Variants in B3GNT2 observed in about 807,000 individuals in gnomAD.
B3GNT2 encodes the protein N-acetyllactosaminide beta-1,3-N-acetylglucosaminyltransferase 2.
Under a neutral mutation model 27.6 loss-of-function variants are expected in B3GNT2, and 12 were observed. The ratio of observed to expected loss-of-function variants is 0.44; its 90% CI spans 0.28 to 0.71. The LOEUF is 0.71. B3GNT2 is among the 30% of genes least tolerant of loss of function. The pLI, the probability that B3GNT2 is intolerant of heterozygous loss-of-function variation, is 0.17. For synonymous variants in B3GNT2, 192 were observed against 189.7 expected (o/e 1.01, Z -0.10); for missense variants, 413 against 488.5 (o/e 0.85, Z 1.46).
intron 1 of B3GNT2, among the ~76,000 whole-genome samples, chr2:62,212,794 A>C (rs1457507726): frequency 6.6e-6 from 1 of 152,024 alleles, no homozygotes; most frequent in African/African-American, 2.4e-5. Context: ...AGTTTACTCA[A>C]GTGTCATATT....
rs77228693 is a variant in B3GNT2, at chr2:62,205,067, C to G, written c.-10+8712C>G. Among the ~76,000 whole-genome samples, 63 of 152,306 alleles carry G rather than the reference C, an allele frequency of 4.1e-4. 2 individuals carry two copies. In the East Asian group the frequency reaches 0.01, roughly 25 times the overall value. ...GGACGCCCCCAGGGAGAGTGACAGG[C>G]AGACCGGCGAGATTGGAAGCCCGTG... On this transcript the variant is annotated intron_variant, in intron 1 of 1. Coordinates refer to ENST00000301998, the MANE Select transcript of B3GNT2 (RefSeq NM_006577.6).
intron 1 of B3GNT2, among the ~76,000 whole-genome samples, chr2:62,205,032 G>C (rs1674344762): frequency 6.6e-6 from 1 of 152,188 alleles, no homozygotes; most frequent in South Asian, 2.1e-4. Flanking sequence ...GGAGGCTGGG[G>C]GAGAAGATTG....
intron 1 of B3GNT2, among the ~76,000 whole-genome samples, chr2:62,212,190 TC>T (rs1201497813): frequency 2.0e-5 from 3 of 152,188 alleles, no homozygotes; most frequent in African/African-American, 7.2e-5. Flanking sequence ...GGATTTTTCT[TC>T]CTGATTTCAT....
At chr2:62,199,340 C>G (rs1032152510) in intron 1 of B3GNT2, among the ~76,000 whole-genome samples, 2 of 152,210 alleles carry the variant, frequency 1.3e-5, no homozygotes, top group Non-Finnish European at 2.9e-5. Flanking sequence ...TGGGTCAGTG[C>G]TTTTCATTCT....
chr2:62,196,643 G>A (rs1301645097), intron 1 of B3GNT2, among the ~76,000 whole-genome samples: 1 of 152,236 alleles, frequency 6.6e-6, no homozygotes, highest in Non-Finnish European at 1.5e-5. Context: ...CCGCTGCGGG[G>A]CTTTGGAACC....
At chr2:62,214,903 T>A (rs528914342) in intron 1 of B3GNT2, among the ~76,000 whole-genome samples, 26 of 152,280 alleles carry the variant, frequency 1.7e-4, no homozygotes, top group African/African-American at 6.0e-4. Flanking sequence ...AATTGCATAA[T>A]CTTTCCACCT....
At chr2:62,207,374 G>C (rs556130547) in intron 1 of B3GNT2, among the ~76,000 whole-genome samples, 1 of 151,994 alleles carries the variant, frequency 6.6e-6, no homozygotes. Context: ...TTGCAGAGAC[G>C]GGGTTTCATC....
chr2:62,218,152 A>G (rs1485918670), intron 1 of B3GNT2, among the ~76,000 whole-genome samples: 2 of 152,180 alleles, frequency 1.3e-5, no homozygotes, highest in Non-Finnish European at 2.9e-5. Context: ...TGCGATGGGA[A>G]TGTTTAGTCA....
chr2:62,221,520 A>C (rs79542909), intron 1 of B3GNT2, among the ~76,000 whole-genome samples: 1 of 152,158 alleles, frequency 6.6e-6, no homozygotes, highest in Middle Eastern at 3.2e-3. Flanking sequence ...CATTAAAAAA[A>C]AGAGAGAGAG....
In B3GNT2 at chr2:62,222,190, A is replaced by G. The variant is rs372317974; in HGVS notation, c.-9-22A>G. 103 of 1,547,336 alleles carry G rather than the reference A, an allele frequency of 6.7e-5. No homozygotes were observed. The highest frequency in any genetic ancestry group is 7.8e-5 in the Non-Finnish European group (89 of 1,147,464). ...TGCAAATTGATAAGTAATTGATACA[A>G]TACTCCACCCCTTTATTCCAGATAT... On this transcript the variant is annotated intron_variant, in intron 1 of 1. Transcript: ENST00000301998. The surrounding 1 kb of genome is among the most constrained non-coding windows in gnomAD (Gnocchi z 4.2).
At chr2:62,199,645 T>C (rs1041690025) in intron 1 of B3GNT2, among the ~76,000 whole-genome samples, 2 of 152,222 alleles carry the variant, frequency 1.3e-5, no homozygotes, top group Non-Finnish European at 2.9e-5. Flanking sequence ...CTTGGTATTT[T>C]TGGTGTGTAC....
rs142907987 is a variant in B3GNT2 at position 62,222,730 on chromosome 2, C to G, written c.510C>G (p.Asn170Lys). The change falls in exon 2 of 2, where the codon AAC (asparagine) becomes AAG (lysine). Residue 170 changes from asparagine (N) to lysine (K), a missense_variant. Asn to Lys is a moderately conservative substitution (Grantham distance 94). Transcript: ENST00000301998. The surrounding 1 kb of genome is among the most constrained non-coding windows in gnomAD (Gnocchi z 4.2). ...GGGAATCCTGGGGCCAAGAAAGCAA[C>G]GCAGGGAACCAAACGGTGGTGCGAG... ...AIRESWGQES[N>K]AGNQTVVRVF... 1 of 1,614,204 alleles carries G rather than the reference C, an allele frequency of 6.2e-7. No individual in the cohort carries two copies. Among genetic ancestry groups the G allele is most frequent in the Admixed American group, 1.7e-5 (1 of 60,024 alleles).
At chr2:62,213,253 G>A (rs1012065925) in intron 1 of B3GNT2, among the ~76,000 whole-genome samples, 2 of 152,196 alleles carry the variant, frequency 1.3e-5, no homozygotes, top group African/African-American at 4.8e-5. Context: ...GCAGTGATCA[G>A]GCAACTGTAG....
At chr2:62,216,282 G>A (rs1483608098) in intron 1 of B3GNT2, among the ~76,000 whole-genome samples, 2 of 152,166 alleles carry the variant, frequency 1.3e-5, no homozygotes, top group African/African-American at 4.8e-5. Context: ...AACAGCCTGT[G>A]TGGGCTAAGT....
chr2:62,203,361 C>T (rs1562747), intron 1 of B3GNT2, among the ~76,000 whole-genome samples: 100,061 of 151,926 alleles, frequency 0.66, 33,195 homozygotes, highest in Non-Finnish European at 0.7. Context: ...TTTTAGCATA[C>T]GGGATATGGG....
intron 1 of B3GNT2, among the ~76,000 whole-genome samples, chr2:62,214,623 A>G (rs1334633868): frequency 2.6e-5 from 4 of 152,232 alleles, no homozygotes; most frequent in Non-Finnish European, 5.9e-5. Flanking sequence ...GAGGCAGTGA[A>G]GGACGGAACT....
chr2:62,211,787 T>A (rs34418835), intron 1 of B3GNT2, among the ~76,000 whole-genome samples: 32,790 of 151,908 alleles, frequency 0.22, 4,789 homozygotes, highest in African/African-American at 0.41. Context: ...CTGCAGACGC[T>A]CTGTGCCGTA....
chr2:62,220,717 A>C (rs1186752199), intron 1 of B3GNT2, among the ~76,000 whole-genome samples: 3 of 151,822 alleles, frequency 2.0e-5, no homozygotes, highest in Non-Finnish European at 4.4e-5. Flanking sequence ...ATAGTACCTA[A>C]GGATAAATTC....
chr2:62,200,325 G>A (rs1328087633), intron 1 of B3GNT2, among the ~76,000 whole-genome samples: 2 of 152,164 alleles, frequency 1.3e-5, no homozygotes, highest in African/African-American at 4.8e-5. Flanking sequence ...GCTACAGAGG[G>A]GGAAATTCCC....
Sources: allele counts gnomAD v4.1 joint callset (sites outside exome capture counted in the v4.1 genomes callset), GRCh38; gene constraint gnomAD v4.1.1; non-coding constraint Gnocchi (gnomAD v3.1); transcripts MANE v1.5; gene names NCBI Gene and HGNC (gene_info 2026-07-23, HGNC 2026-07-21).